The following CSMD2 variants were observed in gnomAD, a reference collection of about 807,000 sequenced individuals.
CSMD2 encodes the protein CUB and sushi domain-containing protein 2.
A neutral mutation model predicts 398.5 loss-of-function variants in CSMD2; 130 were observed. The ratio of observed to expected loss-of-function variants is 0.33; its 90% CI spans 0.28 to 0.38. The LOEUF is 0.38. Among genes scored for constraint, CSMD2 ranks in the 10% least tolerant of loss-of-function variants. The pLI, the probability that CSMD2 is intolerant of heterozygous loss-of-function variation, is 1.00. For synonymous variants in CSMD2, 1,828 were observed against 1,908.5 expected (o/e 0.96, Z 1.10); for missense variants, 3,829 against 4,764.9 (o/e 0.80, Z 5.78).
chr1:33,690,652 G>C (rs991099445), intron 25 of CSMD2, among the ~76,000 whole-genome samples: 2 of 152,198 alleles, frequency 1.3e-5, no homozygotes, highest in Non-Finnish European at 2.9e-5. Flanking sequence ...AAGTGAAATA[G>C]TCATTATGTT....
At chr1:33,597,228 C>T (rs962999526) in intron 44 of CSMD2, among the ~76,000 whole-genome samples, 1 of 152,060 alleles carries the variant, frequency 6.6e-6, no homozygotes, top group Non-Finnish European at 1.5e-5. Context: ...AAATTCTTTC[C>T]CCCACTCCCT....
intron 5 of CSMD2, chr1:33,885,178 T>C (rs1343541013): frequency 6.6e-6 from 1 of 152,194 alleles, no homozygotes; most frequent in African/African-American, 2.4e-5. Flanking sequence ...GTACGGGTGA[T>C]TCTTAAGCCC....
rs74069848 is a variant in CSMD2, at chr1:33,925,847, G to A, written c.713-7546C>T. Among the ~76,000 whole-genome samples the A allele has an allele frequency of 1.1e-3, 168 of 152,058 alleles. 1 individual carries two copies. Among genetic ancestry groups the A allele is most frequent in the African/African-American group, 3.9e-3 (161 of 41,478 alleles). On this transcript the variant is annotated intron_variant, in intron 4 of 70. Coordinates refer to ENST00000373381, the MANE Select transcript of CSMD2 (RefSeq NM_001281956.2). Reference sequence around the variant, plus strand: ...ACCCTGGCCTCCTCCCAGCTCTTCCGATTCACTAAGCATTGCCTTGCTCCA... The same window carrying A: ...ACCCTGGCCTCCTCCCAGCTCTTCCAATTCACTAAGCATTGCCTTGCTCCA...
chr1:34,014,774 A>G (rs1647850963), intron 3 of CSMD2, among the ~76,000 whole-genome samples: 1 of 152,246 alleles, frequency 6.6e-6, no homozygotes, highest in Non-Finnish European at 1.5e-5. Flanking sequence ...GGATGGGTAG[A>G]TGAACAACAG....
chr1:33,852,084 C>T (rs562670095), intron 5 of CSMD2, among the ~76,000 whole-genome samples: 40 of 149,762 alleles, frequency 2.7e-4, no homozygotes, highest in African/African-American at 9.4e-4. Context: ...GTTTCTGCTC[C>T]TTAGTGCAAC....
At chr1:33,623,645 T>C (rs1246775938) in intron 35 of CSMD2, among the ~76,000 whole-genome samples, 179 bp from the exon 36 acceptor site, 1 of 152,202 alleles carries the variant, frequency 6.6e-6, no homozygotes, top group Non-Finnish European at 1.5e-5. Context: ...AAGGAGCTCG[T>C]TGTCCAGTGG....
At position 33,676,641 on chromosome 1, in the gene CSMD2, C is replaced by T. The variant is rs145875078; in HGVS notation, c.4053-13549G>A. Among the ~76,000 whole-genome samples, 514 of 152,184 alleles carry T rather than the reference C, an allele frequency of 3.4e-3. 9 individuals are homozygous for T. In the East Asian group the frequency reaches 0.034, roughly 10 times the overall value. On this transcript the variant is annotated intron_variant, in intron 25 of 70. Transcript: ENST00000373381. The stretch of plus-strand genomic sequence containing the variant: ...GTTCATATGGCATCAAAAAAGAGCC[C>T]GCATCACCAAGTCAATCCTAAGCCA...
At chr1:33,979,005 G>A (rs545472801) in intron 3 of CSMD2, among the ~76,000 whole-genome samples, 2 of 152,108 alleles carry the variant, frequency 1.3e-5, no homozygotes, top group South Asian at 4.2e-4. Flanking sequence ...TCAGAGTCAG[G>A]ATCAACCACA....
intron 2 of CSMD2, 88 bp downstream of exon 2, chr1:34,088,888 TA>T: frequency 9.0e-7 from 1 of 1,108,590 alleles, no homozygotes; most frequent in Non-Finnish European, 1.4e-6. Flanking sequence ...TTGATGACCA[TA>T]AACTTTTCAC....
chr1:33,652,392 G>A lies in CSMD2; in HGVS notation c.4517C>T (p.Pro1506Leu), dbSNP rs772577673. 13 of 1,614,038 alleles carry A rather than the reference G, an allele frequency of 8.1e-6. No individual in the cohort carries two copies. Among genetic ancestry groups the A allele is most frequent in the African/African-American group, 5.3e-5 (4 of 74,908 alleles). ...ILSPNYPEPY[P>L]PGKECDWKVT... ...TTTCCAGTCACACTCCTTGCCTGGC[G>A]GGTAGGGTTCTGGGTAATTTGGTGA... The change falls in exon 28 of 71, where the codon CCG (proline) becomes CTG (leucine). Residue 1506 changes from proline to leucine, a missense_variant. Coordinates refer to ENST00000373381, the MANE Select transcript of CSMD2 (RefSeq NM_001281956.2).
chr1:33,768,834 T>C (rs971720375), intron 13 of CSMD2, among the ~76,000 whole-genome samples: 7 of 152,210 alleles, frequency 4.6e-5, no homozygotes, highest in African/African-American at 1.4e-4. Flanking sequence ...ACTTAAATCG[T>C]ATACATCCAA....
chr1:34,103,448 G>A lies in CSMD2; in HGVS notation c.188-14255C>T, dbSNP rs191464568. Among the ~76,000 whole-genome samples the A allele has an allele frequency of 1.4e-4, 22 of 151,932 alleles. No individual in the cohort carries two copies. The East Asian group carries it at 2.7e-3, about 19-fold the overall frequency. On this transcript the variant is annotated intron_variant, in intron 1 of 70. Coordinates refer to ENST00000373381, the MANE Select transcript of CSMD2 (RefSeq NM_001281956.2). ...TGAGTAGCTGGGACTACCGGCACCC[G>A]CCACCACGCCCAGCTAATTTTTCAC...
intron 2 of CSMD2, among the ~76,000 whole-genome samples, chr1:34,081,069 T>C (rs147465858): frequency 6.6e-6 from 1 of 152,142 alleles, no homozygotes; most frequent in East Asian, 1.9e-4. Flanking sequence ...CTTAGGATAA[T>C]AGACTTGACA....
In CSMD2 at chr1:33,881,219, A is replaced by G. The variant is rs375955495; in HGVS notation, c.921-34223T>C. 9.8e-5 allele frequency among the ~76,000 whole-genome samples: 15 copies of G among 152,330 alleles called. 1 individual carries two copies. The highest frequency in any genetic ancestry group is 3.4e-4 in the African/African-American group (14 of 41,590). ...GACAAACTCCTATTCATTTTCCTGC[A>G]ACCCTCCTCTGTGAATCCTTTCCTG... On this transcript the variant is annotated intron_variant, in intron 5 of 70. Transcript: ENST00000373381.
At chr1:34,122,882 C>T (rs1662335991) in intron 1 of CSMD2, among the ~76,000 whole-genome samples, 1 of 152,136 alleles carries the variant, frequency 6.6e-6, no homozygotes, top group Admixed American at 6.5e-5. Context: ...TCAATGGCAA[C>T]TCGGGCAAGA....
chr1:34,164,817 G>C lies in CSMD2; in HGVS notation c.187+94C>G, dbSNP rs114358213. ...GGAGATTCAGGCAGGGATAGAGGCG[G>C]GGGGAGGGACTGGGACCGGGTCGAG... On this transcript the variant is annotated intron_variant, in intron 1 of 70. Coordinates refer to ENST00000373381, the MANE Select transcript of CSMD2 (RefSeq NM_001281956.2). This position sits in a 1 kb window ranked among gnomAD's most constrained non-coding sequence, Gnocchi z 6.2. 1.4e-5 allele frequency: 15 copies of C among 1,066,534 alleles called. No homozygotes were observed. In the East Asian group the frequency reaches 3.7e-4, roughly 26 times the overall value. The allele number at this position is 1,066,534 out of a possible 1,614,324, so 66.1% of individuals were successfully genotyped here. A position where few individuals can be genotyped will look rare whatever the true frequency, so the allele number is the denominator to read the frequency against.
chr1:33,742,964 C>T (rs1647131089), intron 14 of CSMD2, among the ~76,000 whole-genome samples: 1 of 152,104 alleles, frequency 6.6e-6, no homozygotes, highest in African/African-American at 2.4e-5. Flanking sequence ...CTCCCTAGTT[C>T]TGGTTGGGTC....
At chr1:33,684,816 G>T (rs1645015697) in intron 25 of CSMD2, among the ~76,000 whole-genome samples, 1 of 152,228 alleles carries the variant, frequency 6.6e-6, no homozygotes, top group African/African-American at 2.4e-5. Context: ...CTGCCATACA[G>T]AATTATGATC....
chr1:33,724,225 G>A lies in CSMD2; in HGVS notation c.2973C>T (p.Thr991=). The change falls in exon 19 of 71, where the codon ACC becomes ACT. Residue 991 remains threonine (T), a synonymous_variant. Coordinates refer to ENST00000373381, the MANE Select transcript of CSMD2 (RefSeq NM_001281956.2). Reference sequence around the variant, plus strand: ...TGCCATGAGATGTTTCGATAATCCAGGTGCAGTTCAAGTTGTTGGGGTAGA... The same window carrying A: ...TGCCATGAGATGTTTCGATAATCCAAGTGCAGTTCAAGTTGTTGGGGTAGA... ...PDFYPNNLNC[T]WIIETSHGKG... 1 of 1,613,654 alleles carries A rather than the reference G, an allele frequency of 6.2e-7. No individual in the cohort carries two copies. The highest frequency in any genetic ancestry group is 8.5e-7 in the Non-Finnish European group (1 of 1,179,608).
Sources: allele counts gnomAD v4.1 joint callset (sites outside exome capture counted in the v4.1 genomes callset), GRCh38; gene constraint gnomAD v4.1.1; non-coding constraint Gnocchi (gnomAD v3.1); transcripts MANE v1.5; gene names NCBI Gene and HGNC (gene_info 2026-07-23, HGNC 2026-07-21).